Variants in CELF2 observed in about 807,000 individuals in gnomAD.
CELF2 encodes CUG triplet repeat RNA-binding protein 2.
In CELF2, 8 loss-of-function variants were observed where a neutral mutation model predicts 62.6. The observed-to-expected ratio is 0.13, with a 90% CI of 0.07 to 0.23. CELF2 has a LOEUF of 0.23. Ranked by LOEUF, CELF2 falls within the 10% of genes least tolerant of loss-of-function variation. The probability of loss-of-function intolerance (pLI) is 1.00; values close to 1 mark genes in which losing one functional copy is unlikely to be tolerated. For synonymous variants in CELF2, 258 were observed against 250.0 expected (o/e 1.03, Z -0.30); for missense variants, 333 against 671.0 (o/e 0.50, Z 5.56).
intron 1 of CELF2, among the ~76,000 whole-genome samples, chr10:10,908,798 T>C (rs1269346761): frequency 6.6e-6 from 1 of 152,112 alleles, no homozygotes; most frequent in Non-Finnish European, 1.5e-5. Context: ...GTTTGTTTGT[T>C]TTGTTTTGAG....
In CELF2 at chr10:11,211,811, AGAGTGTGT is replaced by A. The variant is rs1232183564; in HGVS notation, c.272-5612_272-5605del. On this transcript the variant is annotated intron_variant, in intron 2 of 12. Coordinates refer to ENST00000633077, the MANE Select transcript of CELF2 (RefSeq NM_001326342.2). This position sits in a 1 kb window ranked among gnomAD's most constrained non-coding sequence, Gnocchi z 4.8. The stretch of plus-strand genomic sequence containing the variant: ...GTGTGTGAGAGAGAGAGAGAGAGAG[AGAGTGTGT>A]GTGTGTGTGTGTGTGTGTGTGTGTG... Among the ~76,000 whole-genome samples the A allele has an allele frequency of 0.049, 2,756 of 55,814 alleles. 38 individuals are homozygous for A. The highest frequency in any genetic ancestry group is 0.1 in the African/African-American group (1,387 of 13,414). The allele number at this position is 55,814 out of a possible 152,430, so 36.6% of individuals were successfully genotyped here.
chr10:10,930,456 T>G (rs1217043935), intron 2 of CELF2, among the ~76,000 whole-genome samples: 1 of 152,202 alleles, frequency 6.6e-6, no homozygotes, highest in Non-Finnish European at 1.5e-5. Context: ...ATGATCAAAA[T>G]AAAAATTCTT....
the CELF2 span, among the ~76,000 whole-genome samples, chr10:10,475,846 G>A: frequency 6.6e-6 from 1 of 152,006 alleles, no homozygotes; most frequent in South Asian, 2.1e-4. Flanking sequence ...TTCTTTGAGT[G>A]GGCAGACATT....
chr10:10,942,245 A>G (rs1345444683), intron 2 of CELF2, among the ~76,000 whole-genome samples: 1 of 152,170 alleles, frequency 6.6e-6, no homozygotes, highest in Non-Finnish European at 1.5e-5. Flanking sequence ...AACAACAAAC[A>G]TTTGTTATCT....
intron 2 of CELF2, among the ~76,000 whole-genome samples, chr10:10,985,707 G>A (rs2052664380): frequency 6.6e-6 from 1 of 152,208 alleles, no homozygotes; most frequent in Non-Finnish European, 1.5e-5. Context: ...ATAAAAAGTA[G>A]AGTTAAAGCT....
the CELF2 span, among the ~76,000 whole-genome samples, chr10:10,671,812 C>A: frequency 6.6e-6 from 1 of 151,978 alleles, no homozygotes; most frequent in African/African-American, 2.4e-5. Context: ...TCACTGCAAC[C>A]TCTGCCTCCC....
the CELF2 span, among the ~76,000 whole-genome samples, chr10:10,589,546 C>T: frequency 6.6e-6 from 1 of 152,166 alleles, no homozygotes; most frequent in Admixed American, 6.5e-5. Context: ...TACACCTTTC[C>T]TCAGTCTGAG....
intron 8 of CELF2, among the ~76,000 whole-genome samples, chr10:11,278,702 C>T (rs1305265953): frequency 6.6e-6 from 1 of 152,174 alleles, no homozygotes; most frequent in African/African-American, 2.4e-5. Context: ...TTTGTTACTA[C>T]ATTACGGTTG....
At chr10:11,065,001 G>A (rs1048723118) in intron 1 of CELF2, among the ~76,000 whole-genome samples, 3 of 152,208 alleles carry the variant, frequency 2.0e-5, no homozygotes, top group Admixed American at 1.3e-4. Context: ...TGGTAATCCT[G>A]TAATGCACAT....
chr10:11,018,646 G>A (rs1304633210), intron 1 of CELF2: 1 of 151,882 alleles, frequency 6.6e-6, no homozygotes. Context: ...GCGGGGTCTG[G>A]GGGTCCGGGT....
rs568083337 is a variant in CELF2, at chr10:11,246,494, A to G, written c.355-2659A>G. On this transcript the variant is annotated intron_variant, in intron 3 of 12. Transcript: ENST00000633077. The surrounding 1 kb of genome is among the most constrained non-coding windows in gnomAD (Gnocchi z 4.6). ...CCTCCTCCTTTCCCCTCTACTTCCC[A>G]TGACCAGTTGTTCACTGCCCCTCCA... Among the ~76,000 whole-genome samples, 8 of 152,176 alleles carry G rather than the reference A, an allele frequency of 5.3e-5. No individual in the cohort carries two copies. The highest frequency in any genetic ancestry group is 1.7e-4 in the African/African-American group (7 of 41,504).
chr10:11,275,597 C>T (rs985373280), intron 8 of CELF2, among the ~76,000 whole-genome samples: 3 of 152,134 alleles, frequency 2.0e-5, no homozygotes, highest in African/African-American at 2.4e-5. Context: ...CCCTTGATAA[C>T]GACAGACAAT....
the CELF2 span, among the ~76,000 whole-genome samples, chr10:10,685,813 A>G: frequency 6.6e-6 from 1 of 152,346 alleles, no homozygotes; most frequent in South Asian, 2.1e-4. Flanking sequence ...GAAGAAACAC[A>G]TATAAGACTG....
At chr10:10,654,124 T>G in the CELF2 span, among the ~76,000 whole-genome samples, 1 of 144,666 alleles carries the variant, frequency 6.9e-6, no homozygotes, top group African/African-American at 2.6e-5. Flanking sequence ...CTAGAAGAAA[T>G]GGATACATTC....
chr10:10,706,121 C>T, the CELF2 span, among the ~76,000 whole-genome samples: 1 of 152,184 alleles, frequency 6.6e-6, no homozygotes, highest in South Asian at 2.1e-4. Flanking sequence ...TCACTCCATC[C>T]CTGACTATTT....
rs2090846914 is a variant in CELF2 at position 11,285,274 on chromosome 10, T to C, written c.842-3144T>C. On this transcript the variant is annotated intron_variant, in intron 8 of 12. Coordinates refer to ENST00000633077, the MANE Select transcript of CELF2 (RefSeq NM_001326342.2). The surrounding 1 kb of genome is among the most constrained non-coding windows in gnomAD (Gnocchi z 4.3). The stretch of plus-strand genomic sequence containing the variant: ...CTGGGGATCACAGTGTCCTCTCCTT[T>C]CCACTCTTCATCTCAGCTTCCTTGA... Among the ~76,000 whole-genome samples, 1 of 152,126 alleles carries C rather than the reference T, an allele frequency of 6.6e-6. No individual in the cohort carries two copies. Among genetic ancestry groups the C allele is most frequent in the Non-Finnish European group, 1.5e-5 (1 of 68,006 alleles).
the CELF2 span, among the ~76,000 whole-genome samples, chr10:10,528,190 A>G: frequency 1.3e-5 from 2 of 152,032 alleles, no homozygotes; most frequent in African/African-American, 4.8e-5. Flanking sequence ...TGATTGTCAT[A>G]AAGTTAATAC....
chr10:10,598,788 T>G, the CELF2 span, among the ~76,000 whole-genome samples: 3 of 130,166 alleles, frequency 2.3e-5, no homozygotes, highest in Middle Eastern at 3.9e-3. Flanking sequence ...TGAGACAGAG[T>G]CTCCCTCTGT....
At chr10:11,233,475 G>A (rs1353864626) in intron 3 of CELF2, among the ~76,000 whole-genome samples, 2 of 152,156 alleles carry the variant, frequency 1.3e-5, no homozygotes, top group Non-Finnish European at 1.5e-5. Flanking sequence ...GCTGCTGCCA[G>A]CCAAATGTTT....
Sources: gnomAD v4.1 joint callset for allele counts (sites outside exome capture counted in the v4.1 genomes callset) on GRCh38, gnomAD v4.1.1 for gene constraint, Gnocchi (gnomAD v3.1) non-coding constraint, MANE v1.5 for transcripts, NCBI Gene and HGNC (gene_info 2026-07-23, HGNC 2026-07-21) for gene names.